Variants in ARFIP1 observed in about 807,000 individuals in gnomAD.
ARFIP1 encodes arfaptin-1.
ARFIP1 carries 24 observed loss-of-function variants against 42.5 expected under a neutral mutation model. The observed-to-expected ratio is 0.57, with a 90% CI of 0.41 to 0.80. The LOEUF is 0.80. Among genes scored for constraint, ARFIP1 ranks in the 30% least tolerant of loss-of-function variants. The pLI is 0.00. For missense variants in ARFIP1, 354 were observed against 434.0 expected, an observed-to-expected ratio of 0.82 and a Z score of 1.64; for synonymous variants, 141 against 153.7, an observed-to-expected ratio of 0.92 and a Z score of 0.61.
intron 2 of ARFIP1, among the ~76,000 whole-genome samples, chr4:152,844,099 C>T (rs1382624531): frequency 6.6e-6 from 1 of 152,240 alleles, no homozygotes; most frequent in Non-Finnish European, 1.5e-5. Flanking sequence ...CTTTCTGCTG[C>T]TTCGTGTACC....
chr4:152,880,129 CCCAGGAGTTTGAGA>C (rs1735708052), intron 5 of ARFIP1, among the ~76,000 whole-genome samples: 1 of 152,054 alleles, frequency 6.6e-6, no homozygotes, highest in Admixed American at 6.6e-5. Flanking sequence ...ATCAGTTGAG[CCCAGGAGTTTGAGA>C]CCAGCCTAGC....
intron 2 of ARFIP1, among the ~76,000 whole-genome samples, chr4:152,858,376 T>C (rs1414086823): frequency 6.6e-6 from 1 of 152,218 alleles, no homozygotes; most frequent in Non-Finnish European, 1.5e-5. Flanking sequence ...TTGTTTTTTA[T>C]GGACTTAGTC....
chr4:152,825,593 A>G (rs1730769351), intron 1 of ARFIP1, among the ~76,000 whole-genome samples: 1 of 152,240 alleles, frequency 6.6e-6, no homozygotes, highest in African/African-American at 2.4e-5. Context: ...ATTCTGGAAG[A>G]AAACCTAGCA....
At chr4:152,897,983 CTTTTTTTT>C (rs766083303) in intron 8 of ARFIP1, among the ~76,000 whole-genome samples, 1 of 121,500 alleles carries the variant, frequency 8.2e-6, no homozygotes, top group Non-Finnish European at 1.7e-5. Context: ...TTGCAATGTT[CTTTTTTTT>C]TTTTTTTTTT....
intron 8 of ARFIP1, among the ~76,000 whole-genome samples, chr4:152,888,647 T>C (rs2149897435): frequency 6.6e-6 from 1 of 152,214 alleles, no homozygotes; most frequent in Non-Finnish European, 1.5e-5. Flanking sequence ...CTATTAATGA[T>C]AGGTACAGAT....
In ARFIP1 at chr4:152,903,773, C is replaced by T. The variant is rs1033073985; in HGVS notation, c.967-6291C>T. ...ATACAACAAATACACTGAGCCTGAG[C>T]CTTTGTTAGTGGGCTACTGAGTCTT... On this transcript the variant is annotated intron_variant, in intron 8 of 8. Coordinates refer to ENST00000353617, the MANE Select transcript of ARFIP1 (RefSeq NM_001025595.3). Among the ~76,000 whole-genome samples the T allele has an allele frequency of 3.9e-5, 6 of 152,128 alleles. No homozygotes were observed. In the East Asian group the frequency reaches 1.2e-3, roughly 29 times the overall value.
intron 8 of ARFIP1, among the ~76,000 whole-genome samples, chr4:152,896,151 T>G (rs529401211): frequency 6.1e-5 from 9 of 147,976 alleles, no homozygotes; most frequent in African/African-American, 2.1e-4. Context: ...GGTAAAGGTA[T>G]GTGATGGAAG....
chr4:152,879,077 G>A (rs932509521), intron 5 of ARFIP1, among the ~76,000 whole-genome samples: 8 of 151,724 alleles, frequency 5.3e-5, no homozygotes, highest in African/African-American at 1.5e-4. Flanking sequence ...GTGTTTGTAC[G>A]TTTTCCACAG....
chr4:152,882,740 T>C lies in ARFIP1; in HGVS notation c.651T>C (p.Asn217=). The C allele has an allele frequency of 6.2e-7, 1 of 1,613,362 alleles. No individual in the cohort carries two copies. Among genetic ancestry groups the C allele is most frequent in the Non-Finnish European group, 8.5e-7 (1 of 1,179,568 alleles). ...SLELHEEFGY[N]ADTQKLLAKN... ...TGTTTTAGGAAGAATTTGGCTATAATGCCGATACCCAGAAACTGCTGGCTA... is the reference window on the plus strand; with the variant it reads ...TGTTTTAGGAAGAATTTGGCTATAACGCCGATACCCAGAAACTGCTGGCTA... Residue 217 remains asparagine (N), a synonymous_variant, in exon 7 of 9, where the codon AAT becomes AAC. Coordinates refer to ENST00000353617, the MANE Select transcript of ARFIP1 (RefSeq NM_001025595.3).
chr4:152,827,999 A>C (rs1323454192), intron 1 of ARFIP1, among the ~76,000 whole-genome samples: 1 of 152,344 alleles, frequency 6.6e-6, no homozygotes, highest in East Asian at 1.9e-4. Flanking sequence ...AGTAATTTGC[A>C]TAAATTTCCT....
At chr4:152,823,767 T>A (rs11099856) in intron 1 of ARFIP1, among the ~76,000 whole-genome samples, 1 of 126,118 alleles carries the variant, frequency 7.9e-6, no homozygotes. Flanking sequence ...ACACAGCAAG[T>A]CTCCATCTCA....
intron 8 of ARFIP1, among the ~76,000 whole-genome samples, chr4:152,894,591 T>C (rs1445139789): frequency 6.6e-6 from 1 of 152,158 alleles, no homozygotes; most frequent in Non-Finnish European, 1.5e-5. Flanking sequence ...GATTAAGTTA[T>C]ATAGGTGAAA....
chr4:152,886,903 A>G (rs953806906), intron 7 of ARFIP1, among the ~76,000 whole-genome samples: 3 of 151,962 alleles, frequency 2.0e-5, no homozygotes, highest in Admixed American at 1.3e-4. Flanking sequence ...CTTAACTCAT[A>G]CTGCTAAATT....
At chr4:152,821,194 A>G (rs1000776402) in intron 1 of ARFIP1, among the ~76,000 whole-genome samples, 2 of 152,218 alleles carry the variant, frequency 1.3e-5, no homozygotes, top group Non-Finnish European at 2.9e-5. Flanking sequence ...TTATTAAGTC[A>G]CTGAAGGAGA....
At chr4:152,880,872 T>G in intron 5 of ARFIP1, 91 bp from the exon 6 acceptor site, 1 of 1,018,348 alleles carries the variant, frequency 9.8e-7, no homozygotes, top group East Asian at 2.4e-5. Flanking sequence ...CTAGCTTGTT[T>G]GAATCCAAAA....
At chr4:152,798,227 C>T (rs995323335) in intron 1 of ARFIP1, among the ~76,000 whole-genome samples, 3 of 147,116 alleles carry the variant, frequency 2.0e-5, no homozygotes, top group African/African-American at 7.4e-5. Context: ...CGCGCCACTG[C>T]ACTCCAGCCT....
At chr4:152,858,217 AG>A (rs1419479764) in intron 2 of ARFIP1, among the ~76,000 whole-genome samples, 1 of 152,140 alleles carries the variant, frequency 6.6e-6, no homozygotes, top group African/African-American at 2.4e-5. Flanking sequence ...GCTCGAGCCC[AG>A]GGGGTGGAGG....
chr4:152,864,372 A>G (rs1734142367), intron 3 of ARFIP1, among the ~76,000 whole-genome samples: 1 of 152,230 alleles, frequency 6.6e-6, no homozygotes, highest in Non-Finnish European at 1.5e-5. Context: ...CAGGACTTAC[A>G]TAGTGACACT....
chr4:152,833,769 G>A (rs1444457290), intron 2 of ARFIP1, among the ~76,000 whole-genome samples: 2 of 152,170 alleles, frequency 1.3e-5, no homozygotes, highest in Non-Finnish European at 2.9e-5. Context: ...AGTACAATAA[G>A]CCAGACACAG....
Sources: allele counts gnomAD v4.1 joint callset (sites outside exome capture counted in the v4.1 genomes callset), GRCh38; gene constraint gnomAD v4.1.1; transcripts MANE v1.5; gene names NCBI Gene and HGNC (gene_info 2026-07-23, HGNC 2026-07-21).